The following LRCH1 variants were observed in gnomAD, a reference collection of about 807,000 sequenced individuals.
The protein encoded by LRCH1 is leucine rich repeats and calponin homology domain containing 1.
LRCH1 carries 23 observed loss-of-function variants against 94.9 expected under a neutral mutation model. That is an observed-to-expected ratio of 0.24 (90% confidence interval 0.17 to 0.34). The LOEUF (loss-of-function observed/expected upper bound fraction) is 0.34. LRCH1 is among the 10% of genes least tolerant of loss of function. The probability of loss-of-function intolerance (pLI) is 1.00; values close to 1 mark genes in which losing one functional copy is unlikely to be tolerated. For synonymous variants in LRCH1, 364 were observed against 354.9 expected (o/e 1.03, Z -0.29); for missense variants, 790 against 945.9 (o/e 0.84, Z 2.16).
chr13:46,678,554 C>T lies in LRCH1; in HGVS notation c.580-3187C>T, dbSNP rs115381508. ...AATAATTTGACCTTCACCATATACCCTCCAAAATGTGAATGGACAATTGGA... is the reference window on the plus strand; with the variant it reads ...AATAATTTGACCTTCACCATATACCTTCCAAAATGTGAATGGACAATTGGA... On this transcript the variant is annotated intron_variant, in intron 3 of 19. Coordinates refer to ENST00000389797, the MANE Select transcript of LRCH1 (RefSeq NM_001164211.2). Among the ~76,000 whole-genome samples, 609 of 152,284 alleles carry T rather than the reference C, an allele frequency of 4.0e-3. 3 individuals carry two copies. The highest frequency in any genetic ancestry group is 0.014 in the African/African-American group (578 of 41,544).
chr13:46,741,122 G>A (rs1006989110), intron 19 of LRCH1, among the ~76,000 whole-genome samples: 1 of 151,646 alleles, frequency 6.6e-6, no homozygotes, highest in Non-Finnish European at 1.5e-5. Flanking sequence ...TTTATCAAGC[G>A]TAAAATGAAA....
intron 1 of LRCH1, among the ~76,000 whole-genome samples, chr13:46,581,758 G>C (rs750093924): frequency 1.3e-5 from 2 of 152,144 alleles, no homozygotes; most frequent in Non-Finnish European, 2.9e-5. Context: ...AGGTGGCTTT[G>C]GCCTTCAGAA....
chr13:46,671,792 C>T (rs2138122938), intron 3 of LRCH1, among the ~76,000 whole-genome samples: 1 of 152,278 alleles, frequency 6.6e-6, no homozygotes, highest in African/African-American at 2.4e-5. Flanking sequence ...AGGTTCACAG[C>T]AAAATTGAGA....
At chr13:46,652,339 G>A (rs1178305109) in intron 2 of LRCH1, among the ~76,000 whole-genome samples, 1 of 151,498 alleles carries the variant, frequency 6.6e-6, no homozygotes, top group Non-Finnish European at 1.5e-5. Flanking sequence ...GCCTCCCAAA[G>A]TGCTGGGATT....
chr13:46,598,339 G>T (rs1594274250), intron 1 of LRCH1, among the ~76,000 whole-genome samples: 1 of 151,534 alleles, frequency 6.6e-6, no homozygotes, highest in Non-Finnish European at 1.5e-5. Flanking sequence ...CAGCCAGGGT[G>T]CCCCAGTTTA....
intron 1 of LRCH1, among the ~76,000 whole-genome samples, chr13:46,637,103 C>A (rs1208623648): frequency 2.6e-5 from 4 of 152,234 alleles, no homozygotes; most frequent in Non-Finnish European, 5.9e-5. Context: ...CAACTCCGTT[C>A]TTCCAATTTC....
intron 4 of LRCH1, among the ~76,000 whole-genome samples, chr13:46,685,020 A>C (rs1870532276): frequency 6.6e-6 from 1 of 152,128 alleles, no homozygotes; most frequent in Non-Finnish European, 1.5e-5. Flanking sequence ...CCCTTCGTCC[A>C]CTTTAGAATT....
chr13:46,680,481 G>A (rs1209219233), intron 3 of LRCH1, among the ~76,000 whole-genome samples: 1 of 152,180 alleles, frequency 6.6e-6, no homozygotes. Context: ...AGATCAGAGT[G>A]GGAGAGGTGG....
intron 14 of LRCH1, among the ~76,000 whole-genome samples, 184 bp from the exon 15 acceptor site, chr13:46,712,341 A>G (rs558191353): frequency 6.3e-4 from 96 of 152,314 alleles, no homozygotes; most frequent in African/African-American, 2.1e-3. Context: ...TAAAACAAAC[A>G]TTCTGTTGGT....
At chr13:46,589,779 T>G (rs1344076253) in intron 1 of LRCH1, among the ~76,000 whole-genome samples, 1 of 151,976 alleles carries the variant, frequency 6.6e-6, no homozygotes, top group Non-Finnish European at 1.5e-5. Flanking sequence ...TTTTGTATTT[T>G]TAGTAGAGAC....
In LRCH1 at chr13:46,574,678, T is replaced by C. The variant is rs1215805909; in HGVS notation, c.307+20975T>C. On this transcript the variant is annotated intron_variant, in intron 1 of 19. Coordinates refer to ENST00000389797, the MANE Select transcript of LRCH1 (RefSeq NM_001164211.2). ...CCCTCTCTTCAAACATACAAACTTA[T>C]ACGCATATTCTAAAACTTGTAAAAG... 5.3e-5 allele frequency among the ~76,000 whole-genome samples: 8 copies of C among 152,246 alleles called. No individual in the cohort carries two copies. In the East Asian group the frequency reaches 1.3e-3, roughly 26 times the overall value.
At chr13:46,676,899 T>G (rs2051681599) in intron 3 of LRCH1, among the ~76,000 whole-genome samples, 1 of 152,124 alleles carries the variant, frequency 6.6e-6, no homozygotes, top group Non-Finnish European at 1.5e-5. Flanking sequence ...CACCTTAGCC[T>G]CCCGAGTAGC....
At chr13:46,574,845 T>TTTTC in intron 1 of LRCH1, among the ~76,000 whole-genome samples, 1 of 149,808 alleles carries the variant, frequency 6.7e-6, no homozygotes, top group Non-Finnish European at 1.5e-5. Context: ...TTTTTTTTTT[T>TTTTC]TGGTGTATGG....
intron 3 of LRCH1, among the ~76,000 whole-genome samples, chr13:46,676,619 A>G (rs1248663328): frequency 6.6e-6 from 1 of 152,138 alleles, no homozygotes. Context: ...AAAGAGCTAG[A>G]TTCTTACAAA....
intron 1 of LRCH1, among the ~76,000 whole-genome samples, chr13:46,643,331 A>G (rs1209990504): frequency 6.6e-6 from 1 of 152,142 alleles, no homozygotes; most frequent in Non-Finnish European, 1.5e-5. Context: ...GACCTTTCAA[A>G]AGGCAGAGTT....
At chr13:46,688,151 G>A (rs1354281843) in intron 6 of LRCH1, among the ~76,000 whole-genome samples, 172 bp downstream of exon 6, 2 of 152,204 alleles carry the variant, frequency 1.3e-5, no homozygotes, top group African/African-American at 4.8e-5. Context: ...ACAAGAAGTT[G>A]AGAAACTATT....
intron 1 of LRCH1, among the ~76,000 whole-genome samples, chr13:46,596,040 T>G (rs545661470): frequency 1.3e-5 from 2 of 152,306 alleles, no homozygotes; most frequent in African/African-American, 4.8e-5. Context: ...AAGTAACCAG[T>G]TTTGAGACTT....
intron 1 of LRCH1, among the ~76,000 whole-genome samples, chr13:46,561,208 C>G (rs1270630021): frequency 6.6e-6 from 1 of 152,236 alleles, no homozygotes; most frequent in Non-Finnish European, 1.5e-5. Context: ...TGAGGCAGCT[C>G]AACTGACTAT....
chr13:46,699,554 T>C (rs1871358185), intron 10 of LRCH1, 151 bp downstream of exon 10: 2 of 688,660 alleles, frequency 2.9e-6, no homozygotes, highest in Middle Eastern at 2.5e-4. Flanking sequence ...TGCCAGTTTT[T>C]CTCTGTCTGA....
Sources: gnomAD v4.1 joint callset for allele counts (sites outside exome capture counted in the v4.1 genomes callset) on GRCh38, gnomAD v4.1.1 for gene constraint, MANE v1.5 for transcripts, NCBI Gene and HGNC (gene_info 2026-07-23, HGNC 2026-07-21) for gene names.